The following KCNIP4 variants were observed in gnomAD, a reference collection of about 807,000 sequenced individuals.
KCNIP4 encodes the protein potassium voltage-gated channel interacting protein 4.
A neutral mutation model predicts 34.0 loss-of-function variants in KCNIP4; 12 were observed. The observed-to-expected ratio is 0.35, with a 90% CI of 0.23 to 0.57. The LOEUF is 0.57. Ranked by LOEUF, KCNIP4 falls within the 20% of genes least tolerant of loss-of-function variation. The pLI, the probability that KCNIP4 is intolerant of heterozygous loss-of-function variation, is 0.83. For missense variants in KCNIP4, 238 were observed against 311.7 expected (o/e 0.76, Z 1.78); for synonymous variants, 124 against 102.2 (o/e 1.21, Z -1.29).
intron 1 of KCNIP4, among the ~76,000 whole-genome samples, chr4:21,552,769 T>C (rs1215236408): frequency 1.3e-5 from 2 of 152,146 alleles, no homozygotes; most frequent in African/African-American, 4.8e-5. Flanking sequence ...GAGTAGCTTA[T>C]CTTGCTGTAG....
At chr4:21,738,556 G>T (rs1716176033) in intron 1 of KCNIP4, among the ~76,000 whole-genome samples, 1 of 152,170 alleles carries the variant, frequency 6.6e-6, no homozygotes, top group Non-Finnish European at 1.5e-5. Flanking sequence ...TTACATAAAT[G>T]TTTGATAAAT....
At chr4:20,812,929 G>A (rs1406129946) in intron 3 of KCNIP4, among the ~76,000 whole-genome samples, 4 of 129,814 alleles carry the variant, frequency 3.1e-5, no homozygotes. Context: ...TCTTGTTTGT[G>A]TGTGAGTGTG....
chr4:20,910,838 C>G lies in KCNIP4; in HGVS notation c.62-28129G>C, dbSNP rs188852460. 4.9e-4 allele frequency among the ~76,000 whole-genome samples: 74 copies of G among 152,218 alleles called. 1 individual carries two copies. Among genetic ancestry groups the G allele is most frequent in the South Asian group, 6.2e-4 (3 of 4,824 alleles). On this transcript the variant is annotated intron_variant, in intron 1 of 8. Coordinates refer to ENST00000382152, the MANE Select transcript of KCNIP4 (RefSeq NM_025221.6). ...TTGGTTTTGCCTAGATCCTCTAGCC[C>G]CGTTATGCCCCTTTGAGTGTGACAC...
chr4:20,865,700 T>TG (rs1460315433), intron 2 of KCNIP4, among the ~76,000 whole-genome samples: 1 of 151,824 alleles, frequency 6.6e-6, no homozygotes, highest in African/African-American at 2.4e-5. Context: ...ATGGTTAAAG[T>TG]GGGGAGGAAC....
chr4:21,027,073 C>T (rs554688238), intron 1 of KCNIP4, among the ~76,000 whole-genome samples: 2 of 152,104 alleles, frequency 1.3e-5, no homozygotes, highest in Admixed American at 6.6e-5. Flanking sequence ...TGGGGAATAT[C>T]AACAGTGGGT....
At chr4:21,195,730 T>G (rs1350446746) in intron 1 of KCNIP4, among the ~76,000 whole-genome samples, 1 of 152,236 alleles carries the variant, frequency 6.6e-6, no homozygotes, top group African/African-American at 2.4e-5. Flanking sequence ...GTTATTCACC[T>G]TCTACAAGAA....
At chr4:21,123,623 C>T (rs1431107059) in intron 1 of KCNIP4, among the ~76,000 whole-genome samples, 1 of 152,018 alleles carries the variant, frequency 6.6e-6, no homozygotes, top group Non-Finnish European at 1.5e-5. Flanking sequence ...CCATTACATG[C>T]CAAAAATAAC....
chr4:21,305,957 G>A (rs1712420069), intron 1 of KCNIP4, among the ~76,000 whole-genome samples: 1 of 152,186 alleles, frequency 6.6e-6, no homozygotes. Flanking sequence ...TAAAGGGTAG[G>A]CTGCCAGAGG....
rs73095911 is a variant in KCNIP4, at chr4:20,873,117, C to T, written c.163+9491G>A. Among the ~76,000 whole-genome samples, 1,143 of 152,286 alleles carry T rather than the reference C, an allele frequency of 7.5e-3. 7 individuals carry two copies. The highest frequency in any genetic ancestry group is 0.026 in the African/African-American group (1,073 of 41,558). The stretch of plus-strand genomic sequence containing the variant: ...CCATGTGTTTCAAATTTATCCTCTC[C>T]CTTCCACCACGATTGCCATGTTTTG... On this transcript the variant is annotated intron_variant, in intron 2 of 8. Coordinates refer to ENST00000382152, the MANE Select transcript of KCNIP4 (RefSeq NM_025221.6).
Position 21,263,805 on chromosome 4 carries a change from A to T in KCNIP4, c.62-381096T>A, listed in dbSNP as rs1319538517. Among the ~76,000 whole-genome samples the T allele has an allele frequency of 1.3e-5, 2 of 152,054 alleles. 1 individual carries two copies. Among genetic ancestry groups the T allele is most frequent in the Non-Finnish European group, 2.9e-5 (2 of 68,008 alleles). On this transcript the variant is annotated intron_variant, in intron 1 of 8. Transcript: ENST00000382152. The stretch of plus-strand genomic sequence containing the variant: ...TGAGCTTCTGGGACTAGAGGCATGC[A>T]CCACCATGCCTGACTAATTAAATTT...
intron 1 of KCNIP4, among the ~76,000 whole-genome samples, chr4:21,789,058 G>A (rs1397950757): frequency 8.1e-6 from 1 of 124,132 alleles, no homozygotes; most frequent in African/African-American, 3.0e-5. Flanking sequence ...GGGCAACAGA[G>A]CGAGATTCTG....
intron 1 of KCNIP4, among the ~76,000 whole-genome samples, chr4:21,815,919 A>G (rs989364809): frequency 6.6e-6 from 1 of 152,144 alleles, no homozygotes; most frequent in African/African-American, 2.4e-5. Context: ...GTTTTTCCAT[A>G]TGTATAAATT....
chr4:21,900,474 G>C (rs753890851), intron 1 of KCNIP4, among the ~76,000 whole-genome samples: 6 of 152,096 alleles, frequency 3.9e-5, no homozygotes, highest in Non-Finnish European at 8.8e-5. Context: ...CTTCTTGCCT[G>C]GCTCCCTAAA....
chr4:21,112,858 CT>C (rs1020104899), intron 1 of KCNIP4, among the ~76,000 whole-genome samples: 11 of 150,710 alleles, frequency 7.3e-5, no homozygotes, highest in East Asian at 5.9e-4. Context: ...CTATTTTTCC[CT>C]TTTTTTTTTC....
At chr4:21,800,278 C>T (rs542833545) in intron 1 of KCNIP4, among the ~76,000 whole-genome samples, 19 of 152,200 alleles carry the variant, frequency 1.2e-4, no homozygotes, top group East Asian at 5.8e-4. Context: ...GCAGTTTTCA[C>T]GGTTGATTTT....
intron 1 of KCNIP4, among the ~76,000 whole-genome samples, chr4:21,825,002 A>G (rs934392859): frequency 3.3e-5 from 5 of 152,288 alleles, no homozygotes; most frequent in Admixed American, 2.0e-4. Context: ...TGTACAGAAA[A>G]AGCTAAATGA....
intron 1 of KCNIP4, among the ~76,000 whole-genome samples, chr4:21,051,670 A>C (rs971271350): frequency 1.3e-5 from 2 of 152,214 alleles, no homozygotes; most frequent in African/African-American, 4.8e-5. Flanking sequence ...CCCTGAACAC[A>C]AAACTTTAAT....
chr4:21,310,669 T>C (rs768489510), intron 1 of KCNIP4, among the ~76,000 whole-genome samples: 9 of 152,124 alleles, frequency 5.9e-5, no homozygotes, highest in Non-Finnish European at 1.3e-4. Flanking sequence ...TCTCACTCTG[T>C]TGCCCAGGCT....
At chr4:21,694,564 A>G (rs897416270) in intron 1 of KCNIP4, among the ~76,000 whole-genome samples, 15 of 152,158 alleles carry the variant, frequency 9.9e-5, no homozygotes, top group Admixed American at 4.6e-4. Flanking sequence ...ATCTTATTTT[A>G]GCTGGACAAA....
Sources: allele counts gnomAD v4.1 joint callset (sites outside exome capture counted in the v4.1 genomes callset), GRCh38; gene constraint gnomAD v4.1.1; transcripts MANE v1.5; gene names NCBI Gene and HGNC (gene_info 2026-07-23, HGNC 2026-07-21).